MMP26: variants seen among roughly 807,000 people sequenced by gnomAD.
MMP26 encodes matrix metallopeptidase 26, also known as matrix metalloproteinase-26.
A neutral mutation model predicts 31.0 loss-of-function variants in MMP26; 33 were observed. The observed-to-expected ratio is 1.06, with a 90% CI of 0.81 to 1.42. The LOEUF (loss-of-function observed/expected upper bound fraction) is 1.42, where lower values mean the gene tolerates loss of function less well. Among genes scored for constraint, MMP26 ranks in the 40% most tolerant of loss-of-function variants. The pLI is 0.00. For synonymous variants in MMP26, 122 were observed against 114.9 expected (o/e 1.06, Z -0.40); for missense variants, 347 against 316.1 (o/e 1.10, Z -0.74).
intron 1 of MMP26, among the ~76,000 whole-genome samples, chr11:4,714,920 T>TCTCACACACA (rs376354906): frequency 1.9e-3 from 265 of 141,778 alleles, no homozygotes; most frequent in African/African-American, 6.0e-3. Flanking sequence ...TCTCTCTCTC[T>TCTCACACACA]CACACACACA....
intron 2 of MMP26, among the ~76,000 whole-genome samples, chr11:4,812,728 G>A: frequency 1.3e-5 from 2 of 152,152 alleles, no homozygotes; most frequent in Non-Finnish European, 1.5e-5. Context: ...GGGTGGATGG[G>A]GGGATGATTT....
At chr11:4,844,846 A>T (rs73403081) in intron 2 of MMP26, among the ~76,000 whole-genome samples, 4,678 of 152,256 alleles carry the variant, frequency 0.031, 238 homozygotes, top group African/African-American at 0.11. Flanking sequence ...GATCTAAAAC[A>T]CTAGAAGGAT....
intron 1 of MMP26, among the ~76,000 whole-genome samples, chr11:4,766,427 T>C (rs140726192): frequency 0.012 from 1,828 of 152,332 alleles, 21 homozygotes; most frequent in South Asian, 0.032. Flanking sequence ...CGGTGTTTCA[T>C]GGTACTACAT....
chr11:4,857,361 C>A (rs2133507104), intron 2 of MMP26, among the ~76,000 whole-genome samples: 1 of 151,934 alleles, frequency 6.6e-6, no homozygotes, highest in East Asian at 1.9e-4. Context: ...AGAGAAGAAT[C>A]AAATAGACAC....
At chr11:4,897,561 T>C (rs1228442904) in intron 2 of MMP26, among the ~76,000 whole-genome samples, 1 of 152,236 alleles carries the variant, frequency 6.6e-6, no homozygotes, top group Non-Finnish European at 1.5e-5. Context: ...TTTTCTTTGT[T>C]ATAGCTTTCT....
intron 2 of MMP26, among the ~76,000 whole-genome samples, chr11:4,812,660 G>A (rs764296322): frequency 1.3e-5 from 2 of 152,188 alleles, no homozygotes; most frequent in Non-Finnish European, 2.9e-5. Context: ...TCATTAAATC[G>A]CACTTGACAT....
At chr11:4,958,677 T>A (rs1846477668) in intron 2 of MMP26, among the ~76,000 whole-genome samples, 1 of 152,180 alleles carries the variant, frequency 6.6e-6, no homozygotes, top group Non-Finnish European at 1.5e-5. Context: ...TTTCTCTAAC[T>A]TACCATCTAT....
chr11:4,769,412 T>A, intron 2 of MMP26: 1 of 1,613,844 alleles, frequency 6.2e-7, no homozygotes, highest in Non-Finnish European at 8.5e-7. Context: ...TCTACAGAAA[T>A]AGAGAGGCTT....
chr11:4,848,130 T>C lies in MMP26; in HGVS notation c.-145+80789T>C, dbSNP rs962694717. The C allele has an allele frequency of 2.5e-6, 3 of 1,186,544 alleles. No individual in the cohort carries two copies. In the Admixed American group the frequency reaches 6.8e-5, roughly 27 times the overall value. 73.5% of individuals were successfully genotyped at this position (1,186,544 alleles called of 1,614,324 possible). A position where few individuals can be genotyped will look rare whatever the true frequency, so the allele number is the denominator to read the frequency against. On this transcript the variant is annotated intron_variant, in intron 2 of 7. Transcript: ENST00000380390. ...GGACAGGAAGCTACATGCACATATA[T>C]GCACTTATGTGTACGTGAATGATCA...
intron 1 of MMP26, among the ~76,000 whole-genome samples, chr11:4,708,233 G>A (rs962712547): frequency 9.9e-5 from 15 of 152,146 alleles, no homozygotes; most frequent in Non-Finnish European, 1.9e-4. Context: ...CTTTTGTTTT[G>A]TCTTGCATTG....
intron 2 of MMP26, among the ~76,000 whole-genome samples, chr11:4,933,567 T>C (rs895321590): frequency 1.4e-4 from 5 of 35,692 alleles, no homozygotes; most frequent in Non-Finnish European, 2.1e-4. Context: ...TTTGTTTTGT[T>C]TTTTTTATTT....
chr11:4,938,585 A>G (rs940339036), intron 2 of MMP26, among the ~76,000 whole-genome samples: 2 of 152,172 alleles, frequency 1.3e-5, no homozygotes, highest in African/African-American at 4.8e-5. Flanking sequence ...TGCGCACTTA[A>G]CAATTCAAGA....
chr11:4,908,414 G>A, intron 2 of MMP26: 1 of 954,744 alleles, frequency 1.0e-6, no homozygotes, highest in African/African-American at 1.6e-5. Flanking sequence ...GATGATGGAA[G>A]TGAAAAGCTA....
intron 1 of MMP26, among the ~76,000 whole-genome samples, chr11:4,762,471 A>C (rs750180248): frequency 1.3e-5 from 2 of 152,186 alleles, no homozygotes; most frequent in Non-Finnish European, 2.9e-5. Flanking sequence ...CATCTTTGCA[A>C]GAACCATGTC....
intron 1 of MMP26, among the ~76,000 whole-genome samples, chr11:4,745,682 GTAAT>G (rs1490950016): frequency 6.6e-6 from 1 of 152,140 alleles, no homozygotes; most frequent in Admixed American, 6.5e-5. Flanking sequence ...TGATGCATGT[GTAAT>G]GATACATACC....
intron 1 of MMP26, chr11:4,710,101 A>G: frequency 8.8e-6 from 4 of 456,802 alleles, no homozygotes; most frequent in Non-Finnish European, 1.8e-5. Context: ...GTGCTCCACC[A>G]TTCCTACTGC....
At chr11:4,869,738 A>T (rs1261231892) in intron 2 of MMP26, among the ~76,000 whole-genome samples, 2 of 152,236 alleles carry the variant, frequency 1.3e-5, no homozygotes, top group South Asian at 4.1e-4. Context: ...AAAGGATTAT[A>T]AATCATGCTG....
chr11:4,885,256 G>A (rs908868336), intron 2 of MMP26, among the ~76,000 whole-genome samples: 1 of 151,954 alleles, frequency 6.6e-6, no homozygotes, highest in Non-Finnish European at 1.5e-5. Flanking sequence ...TGAATGTGTT[G>A]AGAAATAGAA....
At chr11:4,859,784 C>G (rs1256690132) in intron 2 of MMP26, 4 of 471,242 alleles carry the variant, frequency 8.5e-6, no homozygotes, top group African/African-American at 6.0e-5. Context: ...ATCATGGAGG[C>G]AGCACCCATA....
Sources: allele counts gnomAD v4.1 joint callset (sites outside exome capture counted in the v4.1 genomes callset), GRCh38; gene constraint gnomAD v4.1.1; transcripts MANE v1.5; gene names NCBI Gene and HGNC (gene_info 2026-07-23, HGNC 2026-07-21).